The following DNAH10 variants were observed in gnomAD, a reference collection of about 807,000 sequenced individuals.
DNAH10 encodes the protein axonemal beta dynein heavy chain 10.
A neutral mutation model predicts 506.6 loss-of-function variants in DNAH10; 348 were observed. That is an observed-to-expected ratio of 0.69 (90% CI 0.63 to 0.75). The LOEUF is 0.75. DNAH10 is among the 30% of genes least tolerant of loss of function. The pLI is 0.00. For missense variants in DNAH10, 5,179 were observed against 5,787.1 expected, an observed-to-expected ratio of 0.89 and a Z score of 3.41; for synonymous variants, 2,059 against 2,198.6, an observed-to-expected ratio of 0.94 and a Z score of 1.78.
chr12:123,816,461 T>G (rs1269766674), intron 21 of DNAH10, among the ~76,000 whole-genome samples: 3 of 152,204 alleles, frequency 2.0e-5, no homozygotes, highest in African/African-American at 4.8e-5. Context: ...TTCCAGGTTG[T>G]TAACCACACC....
At chr12:123,910,708 A>G (rs1281329344) in intron 59 of DNAH10, 36 bp downstream of exon 59, 3 of 1,606,724 alleles carry the variant, frequency 1.9e-6, no homozygotes, top group East Asian at 2.2e-5. Flanking sequence ...CACCACTGCC[A>G]AGGGACCCAT....
At position 123,902,618 on chromosome 12, in the gene DNAH10, C is replaced by T. The variant is rs147697237; in HGVS notation, c.9641-321C>T. 0.015 allele frequency among the ~76,000 whole-genome samples: 2,306 copies of T among 152,240 alleles called. 25 individuals carry two copies. The highest frequency in any genetic ancestry group is 0.034 in the Middle Eastern group (10 of 294). ...GAGCCGGTAAGCAGGAGGGGGACCCCAGCATCCTCACTGAACACCGGCGAG... is the reference window on the plus strand; with the variant it reads ...GAGCCGGTAAGCAGGAGGGGGACCCTAGCATCCTCACTGAACACCGGCGAG... On this transcript the variant is annotated intron_variant, in intron 56 of 78. Transcript: ENST00000673944. This position sits in a 1 kb window ranked among gnomAD's most constrained non-coding sequence, Gnocchi z 4.5.
intron 2 of DNAH10, among the ~76,000 whole-genome samples, chr12:123,769,330 C>T (rs1252969863): frequency 1.3e-5 from 2 of 151,082 alleles, no homozygotes; most frequent in Admixed American, 1.3e-4. Flanking sequence ...TTTTTTGAGA[C>T]AGAATCTTGC....
At chr12:123,799,124 T>A (rs928421339) in intron 13 of DNAH10, 122 bp from the exon 14 acceptor site, 17 of 532,786 alleles carry the variant, frequency 3.2e-5, no homozygotes, top group Admixed American at 2.8e-4. Context: ...AAAAAAAAAA[T>A]TATATAATGT....
intron 28 of DNAH10, among the ~76,000 whole-genome samples, chr12:123,837,241 G>A (rs562380617): frequency 4.0e-5 from 6 of 151,190 alleles, no homozygotes; most frequent in African/African-American, 1.5e-4. Context: ...CTACTCGGGA[G>A]GCTGAGGTGG....
At chr12:123,905,107 C>T (rs1953714369) in intron 57 of DNAH10, among the ~76,000 whole-genome samples, 1 of 152,218 alleles carries the variant, frequency 6.6e-6, no homozygotes, top group Non-Finnish European at 1.5e-5. Flanking sequence ...CAAATTATAA[C>T]ACCCTATGCA....
In DNAH10 at chr12:123,929,432, T is replaced by C; in HGVS notation, c.12464T>C (p.Phe4155Ser). ...FHAVVQERRK[F>S]GKIGWNVYYD... ...GCTGTGGTGCAGGAGAGAAGGAAGTTTGGGAAGATTGGCTGGAACGTGTAC... is the reference window on the plus strand; with the variant it reads ...GCTGTGGTGCAGGAGAGAAGGAAGTCTGGGAAGATTGGCTGGAACGTGTAC... The change falls in exon 71 of 79, where the codon TTT becomes TCT. Residue 4155 changes from phenylalanine to serine, a missense_variant. By Grantham distance (155) the Phe-to-Ser change is radical (BLOSUM62 -2). Transcript: ENST00000673944. The C allele has an allele frequency of 1.2e-6, 2 of 1,613,766 alleles. No individual in the cohort carries two copies. Among genetic ancestry groups the C allele is most frequent in the Non-Finnish European group, 1.7e-6 (2 of 1,179,854 alleles).
intron 50 of DNAH10, among the ~76,000 whole-genome samples, chr12:123,880,464 G>A (rs1566038188): frequency 6.6e-6 from 1 of 151,764 alleles, no homozygotes; most frequent in Non-Finnish European, 1.5e-5. Context: ...CTCAGCCTCT[G>A]GAGTAGCCGG....
intron 23 of DNAH10, 27 bp from the exon 24 acceptor site, chr12:123,820,553 T>G: frequency 6.3e-7 from 1 of 1,598,514 alleles, no homozygotes; most frequent in Non-Finnish European, 8.5e-7. Context: ...TTGTATTTAT[T>G]CACTCATCGG....
chr12:123,825,291 C>T (rs1226006407), intron 24 of DNAH10, among the ~76,000 whole-genome samples: 1 of 152,078 alleles, frequency 6.6e-6, no homozygotes, highest in Non-Finnish European at 1.5e-5. Context: ...AGGTGTTTAC[C>T]TGAGAGAAGA....
chr12:123,932,253 T>TA lies in DNAH10; in HGVS notation c.13296+146dup, dbSNP rs2137741386. ...TGCTCTGGAAATGGTCTGAGATTCT[T>TA]ACAAGCCTATCTGTATCTTTTGTTT... On this transcript the variant is annotated intron_variant, in intron 76 of 78. Coordinates refer to ENST00000673944, the MANE Select transcript of DNAH10 (RefSeq NM_001372106.1). 5.0e-6 allele frequency: 5 copies of TA among 999,252 alleles called. No homozygotes were observed. In the East Asian group the frequency reaches 1.3e-4, roughly 26 times the overall value. 61.9% of individuals were successfully genotyped at this position (999,252 alleles called of 1,614,324 possible).
rs1566029670 is a variant in DNAH10, at chr12:123,875,353, T to C, written c.8061T>C (p.Ala2687=). 3 of 1,614,008 alleles carry C rather than the reference T, an allele frequency of 1.9e-6. No homozygotes were observed. Among genetic ancestry groups the C allele is most frequent in the Non-Finnish European group, 1.7e-6 (2 of 1,179,886 alleles). The stretch of plus-strand genomic sequence containing the variant: ...GCATTCGAGACCTTGGCTTTATTGC[T>C]GCAATGGGAAAGGCTGGAGGAGGCC... ...CKSIRDLGFI[A]AMGKAGGGRN... The change falls in exon 47 of 79, where the codon GCT becomes GCC. Residue 2687 remains alanine, a synonymous_variant. Transcript: ENST00000673944.
intron 5 of DNAH10, among the ~76,000 whole-genome samples, chr12:123,779,637 C>G (rs61954922): frequency 6.7e-6 from 1 of 149,972 alleles, no homozygotes; most frequent in Non-Finnish European, 1.5e-5. Flanking sequence ...AAACCAAAAC[C>G]AAGAATTTGA....
At chr12:123,930,730 G>C (rs1943082887) in intron 73 of DNAH10, among the ~76,000 whole-genome samples, 157 bp downstream of exon 73, 3 of 152,178 alleles carry the variant, frequency 2.0e-5, no homozygotes, top group Admixed American at 2.0e-4. Context: ...TGGCTGCAGA[G>C]CTGACTGATA....
At chr12:123,900,561 C>CA (rs1190235561) in intron 56 of DNAH10, among the ~76,000 whole-genome samples, 1 of 152,214 alleles carries the variant, frequency 6.6e-6, no homozygotes, top group South Asian at 2.1e-4. Flanking sequence ...CCATTGCCAT[C>CA]ATCCTTGTCC....
At chr12:123,835,867 C>T (rs922589498) in intron 28 of DNAH10, among the ~76,000 whole-genome samples, 2 of 152,202 alleles carry the variant, frequency 1.3e-5, no homozygotes, top group South Asian at 4.1e-4. Flanking sequence ...TCAACTGACT[C>T]TCCCACATTG....
intron 30 of DNAH10, among the ~76,000 whole-genome samples, chr12:123,844,324 A>G (rs1950873390): frequency 6.6e-6 from 1 of 152,112 alleles, no homozygotes; most frequent in Admixed American, 6.5e-5. Flanking sequence ...GTGGGTGGGG[A>G]CACAGAGCCA....
At chr12:123,877,711 G>C (rs1296686904) in intron 47 of DNAH10, 25 bp from the exon 48 acceptor site, 7 of 1,595,964 alleles carry the variant, frequency 4.4e-6, no homozygotes, top group South Asian at 2.2e-5. Context: ...TTGTGTGTTG[G>C]GGGGGGTGTC....
chr12:123,871,312 A>G (rs549243782), intron 44 of DNAH10, 145 bp from the exon 45 acceptor site: 17 of 939,684 alleles, frequency 1.8e-5, no homozygotes, highest in African/African-American at 5.0e-5. Flanking sequence ...ATACACTTCA[A>G]TGGGTGAATG....
Sources: gnomAD v4.1 joint callset for allele counts (sites outside exome capture counted in the v4.1 genomes callset) on GRCh38, gnomAD v4.1.1 for gene constraint, Gnocchi (gnomAD v3.1) non-coding constraint, MANE v1.5 for transcripts, NCBI Gene and HGNC (gene_info 2026-07-23, HGNC 2026-07-21) for gene names.